Variants in SAXO1 observed in about 807,000 individuals in gnomAD.
The protein encoded by SAXO1 is stabilizer of axonemal microtubules 1, also known as 4930500O09Rik.
In SAXO1, 21 loss-of-function variants were observed where a neutral mutation model predicts 17.5. That is an observed-to-expected ratio of 1.20 (90% CI 0.85 to 1.72). The LOEUF is 1.72. SAXO1 is among the 40% of genes most tolerant of loss of function. SAXO1 has a pLI of 0.00. For synonymous variants in SAXO1, 274 were observed against 216.5 expected (o/e 1.27, Z -2.33); for missense variants, 843 against 596.0 (o/e 1.41, Z -4.32).
At chr9:18,930,785 C>T (rs1333958509) in intron 3 of SAXO1, among the ~76,000 whole-genome samples, 1 of 152,198 alleles carries the variant, frequency 6.6e-6, no homozygotes, top group Admixed American at 6.5e-5. Flanking sequence ...AGGCGTGAGC[C>T]ACCACGCCCG....
chr9:19,006,909 G>A (rs1023810232), intron 1 of SAXO1, among the ~76,000 whole-genome samples: 7 of 151,918 alleles, frequency 4.6e-5, no homozygotes, highest in African/African-American at 1.7e-4. Context: ...GCCAGGTGTG[G>A]TGATGTGCAC....
At chr9:19,012,248 G>T (rs1220801934) in intron 1 of SAXO1, among the ~76,000 whole-genome samples, 2 of 152,212 alleles carry the variant, frequency 1.3e-5, no homozygotes, top group African/African-American at 2.4e-5. Flanking sequence ...GAGAAAATAA[G>T]ATTTAGAGCC....
chr9:18,982,559 AG>A (rs1440455596), intron 1 of SAXO1, among the ~76,000 whole-genome samples: 1 of 152,242 alleles, frequency 6.6e-6, no homozygotes, highest in Non-Finnish European at 1.5e-5. Flanking sequence ...CCATGGCAGA[AG>A]GGGTTACTCT....
intron 1 of SAXO1, among the ~76,000 whole-genome samples, chr9:18,952,043 T>A (rs76673661): frequency 0.017 from 2,573 of 152,346 alleles, 78 homozygotes; most frequent in African/African-American, 0.059. Context: ...TCCATTTTAC[T>A]TGCATGGTAG....
At chr9:18,934,957 G>T (rs528218331) in intron 3 of SAXO1, among the ~76,000 whole-genome samples, 1 of 151,832 alleles carries the variant, frequency 6.6e-6, no homozygotes, top group Non-Finnish European at 1.5e-5. Context: ...ATGGTGTCTT[G>T]CTCTTGTTGC....
chr9:19,032,773 G>T, intron 1 of SAXO1, 98 bp downstream of exon 1: 1 of 1,377,756 alleles, frequency 7.3e-7, no homozygotes, highest in Non-Finnish European at 1.0e-6. Flanking sequence ...CGAACCCACC[G>T]TGATGCCGCC....
intron 2 of SAXO1, among the ~76,000 whole-genome samples, chr9:18,946,039 G>A (rs916510356): frequency 1.3e-5 from 2 of 152,100 alleles, no homozygotes; most frequent in Non-Finnish European, 2.9e-5. Context: ...CACTTTGGGA[G>A]GCCAAGGCAG....
At chr9:18,980,589 G>A (rs1262151263) in intron 1 of SAXO1, among the ~76,000 whole-genome samples, 3 of 151,164 alleles carry the variant, frequency 2.0e-5, no homozygotes, top group Non-Finnish European at 4.4e-5. Flanking sequence ...GGAGGAGGGT[G>A]TGCACCAGGC....
intron 1 of SAXO1, among the ~76,000 whole-genome samples, chr9:19,016,392 C>T (rs1033417506): frequency 6.6e-6 from 1 of 152,120 alleles, no homozygotes; most frequent in African/African-American, 2.4e-5. Flanking sequence ...GCCGAGATTG[C>T]GCTACTGCAC....
intron 1 of SAXO1, among the ~76,000 whole-genome samples, chr9:18,962,256 C>T (rs1476993763): frequency 2.0e-5 from 3 of 151,916 alleles, no homozygotes; most frequent in Admixed American, 6.6e-5. Flanking sequence ...TTAGTAGAGT[C>T]GGGGTTTCTC....
Position 18,941,655 on chromosome 9 carries a change from A to T in SAXO1, c.403T>A (p.Cys135Ser). Residue 135 changes from cysteine (C) to serine (S), a missense_variant, in exon 3 of 4, where the codon TGT (cysteine) becomes AGT (serine). By Grantham distance (112) the Cys-to-Ser change is moderately radical (BLOSUM62 -1). Transcript: ENST00000380534. Reference sequence around the variant, plus strand: ...CTCCCACCTTTATAAGTAGGCAAACACTCCATCTTGTCGCTACATGGATAT... The same window carrying T: ...CTCCCACCTTTATAAGTAGGCAAACTCTCCATCTTGTCGCTACATGGATAT... ...SKYPCSDKME[C>S]LPTYKADYLP... 1 of 1,613,844 alleles carries T rather than the reference A, an allele frequency of 6.2e-7. No individual in the cohort carries two copies. Among genetic ancestry groups the T allele is most frequent in the Non-Finnish European group, 8.5e-7 (1 of 1,179,974 alleles).
rs971268237 is a variant in SAXO1 at position 18,957,327 on chromosome 9, T to C, written c.39-6390A>G. Among the ~76,000 whole-genome samples the C allele has an allele frequency of 2.4e-4, 36 of 152,312 alleles. 1 individual carries two copies. The highest frequency in any genetic ancestry group is 7.9e-4 in the African/African-American group (33 of 41,566). On this transcript the variant is annotated intron_variant, in intron 1 of 3. Transcript: ENST00000380534. Reference sequence around the variant, plus strand: ...CAGGGAAATAAAATGGAACGCTAGATGTAGAAGAACCCTACAGATCGGCCA... The same window carrying C: ...CAGGGAAATAAAATGGAACGCTAGACGTAGAAGAACCCTACAGATCGGCCA...
intron 1 of SAXO1, among the ~76,000 whole-genome samples, chr9:19,007,651 A>T (rs1049704491): frequency 6.6e-6 from 1 of 152,244 alleles, no homozygotes; most frequent in Admixed American, 6.5e-5. Context: ...ATCTAAAATC[A>T]GGAGTCAACA....
Position 19,025,942 on chromosome 9 carries a change from A to G in SAXO1, c.38+6929T>C, listed in dbSNP as rs1438746258. On this transcript the variant is annotated intron_variant, in intron 1 of 3. Coordinates refer to ENST00000380534, the MANE Select transcript of SAXO1 (RefSeq NM_153707.4). ...GACCAGAGCCTTCATATTGTACTCT[A>G]CAATCAAAAATGGCCCATTGTGGGA... Among the ~76,000 whole-genome samples the G allele has an allele frequency of 2.6e-5, 4 of 152,108 alleles. No individual in the cohort carries two copies. The South Asian group carries it at 6.2e-4, about 24-fold the overall frequency.
In SAXO1 at chr9:18,928,189, A is replaced by C. The variant is rs375720733; in HGVS notation, c.1288T>G (p.Tyr430Asp). The part of the protein sequence containing the change: ...CLASYPEPPG[Y>D]TFEEVDALGH... ...AAAGCATCCACTTCCTCAAAGGTGT[A>C]GCCAGGAGGCTCAGGATATGAAGCT... The change falls in exon 4 of 4, where the codon TAC (tyrosine) becomes GAC (aspartate). Residue 430 changes from tyrosine to aspartate, a missense_variant. Coordinates refer to ENST00000380534, the MANE Select transcript of SAXO1 (RefSeq NM_153707.4). 6.2e-7 allele frequency: 1 copy of C among 1,614,094 alleles called. No individual in the cohort carries two copies. Among genetic ancestry groups the C allele is most frequent in the African/African-American group, 1.3e-5 (1 of 74,940 alleles).
intron 1 of SAXO1, among the ~76,000 whole-genome samples, chr9:19,012,866 C>A (rs1020322997): frequency 6.6e-6 from 1 of 152,174 alleles, no homozygotes; most frequent in African/African-American, 2.4e-5. Context: ...GGAGGCGCTG[C>A]GGAGCTCAGG....
chr9:18,933,018 C>G (rs898417455), intron 3 of SAXO1, among the ~76,000 whole-genome samples: 6 of 152,266 alleles, frequency 3.9e-5, no homozygotes, highest in Admixed American at 2.6e-4. Context: ...TACTTGTCTG[C>G]TTGCTTTTCT....
intron 1 of SAXO1, among the ~76,000 whole-genome samples, chr9:19,012,252 T>C (rs1834776278): frequency 6.6e-6 from 1 of 152,264 alleles, no homozygotes; most frequent in African/African-American, 2.4e-5. Flanking sequence ...AAATAAGATT[T>C]AGAGCCTTTT....
At chr9:19,021,075 C>T (rs1203695052) in intron 1 of SAXO1, among the ~76,000 whole-genome samples, 2 of 152,210 alleles carry the variant, frequency 1.3e-5, no homozygotes, top group Non-Finnish European at 2.9e-5. Flanking sequence ...CCTCTAGCTG[C>T]CCAGTTTGTT....
Sources: gnomAD v4.1 joint callset for allele counts (sites outside exome capture counted in the v4.1 genomes callset) on GRCh38, gnomAD v4.1.1 for gene constraint, MANE v1.5 for transcripts, NCBI Gene and HGNC (gene_info 2026-07-23, HGNC 2026-07-21) for gene names.